MFAP1: variants seen among roughly 807,000 people sequenced by gnomAD.
MFAP1 encodes the protein microfibril associated protein 1.
In MFAP1, 18 loss-of-function variants were observed where a neutral mutation model predicts 62.2. The ratio of observed to expected loss-of-function variants is 0.29; its 90% confidence interval spans 0.20 to 0.43. The LOEUF (loss-of-function observed/expected upper bound fraction) is 0.43, where lower values mean the gene tolerates loss of function less well. Ranked by LOEUF, MFAP1 falls within the 20% of genes least tolerant of loss-of-function variation. The probability of loss-of-function intolerance (pLI) is 1.00; values close to 1 mark genes in which losing one functional copy is unlikely to be tolerated. For missense variants in MFAP1, 355 were observed against 559.7 expected, an observed-to-expected ratio of 0.63 and a Z score of 3.69; for synonymous variants, 175 against 180.4, an observed-to-expected ratio of 0.97 and a Z score of 0.24.
chr15:43,810,134 C>T, intron 6 of MFAP1: 1 of 477,204 alleles, frequency 2.1e-6, no homozygotes, highest in East Asian at 3.2e-5. Context: ...AAAGTTGATT[C>T]TAGCCCTTCT....
rs756585799 is a variant in MFAP1, at chr15:43,824,487, G to A, written c.79+4C>T. ...CGACTGGGAAGAGGGTGTTAGCACC[G>A]TACCTTTCTCATTGCGAACTGGGAC... On this transcript the variant is annotated splice_donor_region_variant and intron_variant, in intron 1 of 8. Coordinates refer to ENST00000267812, the MANE Select transcript of MFAP1 (RefSeq NM_005926.3). 1 of 1,614,040 alleles carries A rather than the reference G, an allele frequency of 6.2e-7. No individual in the cohort carries two copies. The highest frequency in any genetic ancestry group is 1.7e-5 in the Admixed American group (1 of 60,000).
In MFAP1 at chr15:43,813,250, T is replaced by G; in HGVS notation, c.725A>C (p.Lys242Thr). Residue 242 changes from lysine (K) to threonine (T), a missense_variant and splice_region_variant, in exon 5 of 9, where the codon AAG becomes ACG. By Grantham distance (78) the Lys-to-Thr change is moderately conservative. This residue lies in a region of MFAP1 where 257 missense variants were observed against 341.3 expected (regional missense o/e 0.75). Transcript: ENST00000267812. ...MAEERRKYTL[K>T]IVEEETKKEL... ...TTCCTTGCAACCACTCCCCAGTACC[T>G]TGAGTGTGTACTTGCGCCTTTCCTC... 1 of 1,614,040 alleles carries G rather than the reference T, an allele frequency of 6.2e-7. No individual in the cohort carries two copies. The highest frequency in any genetic ancestry group is 8.5e-7 in the Non-Finnish European group (1 of 1,180,008).
At chr15:43,817,735 C>A (rs760504448) in intron 1 of MFAP1, among the ~76,000 whole-genome samples, 1 of 152,132 alleles carries the variant, frequency 6.6e-6, no homozygotes, top group Admixed American at 6.5e-5. Flanking sequence ...AGTCCCCCCC[C>A]AAAAAGGCAG....
At chr15:43,806,269 T>A (rs1475576714) in intron 7 of MFAP1, among the ~76,000 whole-genome samples, 1 of 152,252 alleles carries the variant, frequency 6.6e-6, no homozygotes, top group African/African-American at 2.4e-5. Context: ...ATAAGTTGGA[T>A]ATTTTATTGG....
intron 1 of MFAP1, among the ~76,000 whole-genome samples, chr15:43,821,484 A>G (rs1356778775): frequency 6.6e-6 from 1 of 152,154 alleles, no homozygotes. Context: ...TTTACCAGAT[A>G]TGTCAGTGAC....
intron 7 of MFAP1, among the ~76,000 whole-genome samples, chr15:43,807,823 T>C (rs1268224369): frequency 6.6e-6 from 1 of 152,224 alleles, no homozygotes; most frequent in Non-Finnish European, 1.5e-5. Flanking sequence ...GCATAGTATA[T>C]GCACTAAAGC....
intron 7 of MFAP1, among the ~76,000 whole-genome samples, chr15:43,805,975 C>T (rs7169382): frequency 2.1e-5 from 3 of 143,196 alleles, no homozygotes; most frequent in Non-Finnish European, 3.0e-5. Context: ...CCTGAGACAG[C>T]GTCTCATTCT....
In MFAP1 at chr15:43,806,612, C is replaced by T. The variant is rs549166392; in HGVS notation, c.1048-1147G>A. On this transcript the variant is annotated intron_variant, in intron 7 of 8. Coordinates refer to ENST00000267812, the MANE Select transcript of MFAP1 (RefSeq NM_005926.3). ...CACCTAGGCTGGGCGCAGTGGCTCA[C>T]GCCCGTAATCCCAGCACTTTGGGAG... is the stretch of plus-strand genomic sequence containing the variant. 1.4e-4 allele frequency among the ~76,000 whole-genome samples: 21 copies of T among 152,358 alleles called. No individual in the cohort carries two copies. In the South Asian group the frequency reaches 3.5e-3, roughly 26 times the overall value.
intron 1 of MFAP1, among the ~76,000 whole-genome samples, chr15:43,822,831 A>AATT (rs574275079): frequency 9.0e-4 from 136 of 151,166 alleles, no homozygotes; most frequent in African/African-American, 2.6e-3. Context: ...GCTAATTTTT[A>AATT]ATTATTATTA....
intron 1 of MFAP1, among the ~76,000 whole-genome samples, chr15:43,818,028 T>G (rs1367958367): frequency 6.6e-6 from 1 of 151,114 alleles, no homozygotes; most frequent in Non-Finnish European, 1.5e-5. Context: ...CTTTTTTTTT[T>G]TTTTTTTTTG....
chr15:43,810,781 G>A (rs932913179), intron 6 of MFAP1, among the ~76,000 whole-genome samples: 2 of 151,366 alleles, frequency 1.3e-5, no homozygotes, highest in Non-Finnish European at 2.9e-5. Context: ...TTTTGAGATG[G>A]AATCTTGCTC....
chr15:43,817,708 G>A (rs1332547733), intron 1 of MFAP1, among the ~76,000 whole-genome samples: 1 of 152,208 alleles, frequency 6.6e-6, no homozygotes, highest in East Asian at 1.9e-4. Context: ...AAGGTAGGCA[G>A]TGAAACAGTA....
chr15:43,812,872 A>G (rs2087410464), intron 6 of MFAP1, 115 bp downstream of exon 6: 1 of 1,235,312 alleles, frequency 8.1e-7, no homozygotes, highest in East Asian at 2.4e-5. Context: ...ACAAAGCAAC[A>G]AGAACTCTGA....
chr15:43,807,926 AGAGTTTGAGCCCAG>A (rs2087376167), intron 7 of MFAP1, among the ~76,000 whole-genome samples: 1 of 152,154 alleles, frequency 6.6e-6, no homozygotes, highest in Non-Finnish European at 1.5e-5. Flanking sequence ...AGGTGGAAGG[AGAGTTTGAGCCCAG>A]GAGTTTGAGA....
chr15:43,808,333 T>C (rs28674750), intron 7 of MFAP1, among the ~76,000 whole-genome samples: 22,796 of 152,116 alleles, frequency 0.15, 2,158 homozygotes, highest in East Asian at 0.27. Flanking sequence ...AGCCCCTTGA[T>C]AGGTGACACT....
rs185728791 is a variant in MFAP1 at position 43,810,081 on chromosome 15, T to G, written c.888-167A>C. The G allele has an allele frequency of 4.0e-6, 3 of 740,828 alleles. No individual in the cohort carries two copies. In the Admixed American group the frequency reaches 8.7e-5, roughly 21 times the overall value. The allele number at this position is 740,828 out of a possible 1,614,324, so 45.9% of individuals were successfully genotyped here. A position where few individuals can be genotyped will look rare whatever the true frequency, so the allele number is the denominator to read the frequency against. ...GAGCTCAATAAACAAATGGGTGAGTTAGTCTTCATTATGTTTGCTAGACTA... is the reference window on the plus strand; with the variant it reads ...GAGCTCAATAAACAAATGGGTGAGTGAGTCTTCATTATGTTTGCTAGACTA... On this transcript the variant is annotated intron_variant, in intron 6 of 8. Transcript: ENST00000267812.
chr15:43,819,236 CATAG>C (rs1293985406), intron 1 of MFAP1, among the ~76,000 whole-genome samples: 4 of 152,076 alleles, frequency 2.6e-5, no homozygotes, highest in African/African-American at 4.8e-5. Flanking sequence ...AAAAAATGTA[CATAG>C]ATAGATAGAT....
rs2087421525 is a variant in MFAP1 at position 43,814,356 on chromosome 15, C to A, written c.617+145G>T. 5.0e-6 allele frequency: 4 copies of A among 805,254 alleles called. No individual in the cohort carries two copies. The Admixed American group carries it at 8.3e-5, about 17-fold the overall frequency. The allele number at this position is 805,254 out of a possible 1,614,324, so 49.9% of individuals were successfully genotyped here. On this transcript the variant is annotated intron_variant, in intron 4 of 8. Transcript: ENST00000267812. Reference sequence around the variant, plus strand: ...CTAACGCCAAGATATTCCTCAGCAGCTAGTCTGCCAAGGGTAGAGCACTAG... The same window carrying A: ...CTAACGCCAAGATATTCCTCAGCAGATAGTCTGCCAAGGGTAGAGCACTAG...
intron 1 of MFAP1, among the ~76,000 whole-genome samples, chr15:43,823,686 T>A (rs1052279339): frequency 6.6e-6 from 1 of 152,200 alleles, no homozygotes; most frequent in Non-Finnish European, 1.5e-5. Context: ...CGCAGCACTT[T>A]TTTGAACAAG....
Sources: allele counts gnomAD v4.1 joint callset (sites outside exome capture counted in the v4.1 genomes callset), GRCh38; gene constraint gnomAD v4.1.1; regional missense constraint gnomAD v4.1.1; transcripts MANE v1.5; gene names NCBI Gene and HGNC (gene_info 2026-07-23, HGNC 2026-07-21).